The following MAP3K19 variants were observed in gnomAD, a reference collection of about 807,000 sequenced individuals.
MAP3K19 encodes the protein mitogen-activated protein kinase kinase kinase 19, also known as SPS1/STE20-related protein kinase YSK4.
A neutral mutation model predicts 114.4 loss-of-function variants in MAP3K19; 91 were observed. The observed-to-expected ratio is 0.80, with a 90% CI of 0.67 to 0.95. MAP3K19 has a LOEUF of 0.95. Among genes scored for constraint, MAP3K19 ranks in the 40% least tolerant of loss-of-function variants. MAP3K19 has a pLI of 0.00. For missense variants in MAP3K19, 1,471 were observed against 1,573.2 expected (o/e 0.94, Z 1.10); for synonymous variants, 518 against 530.5 (o/e 0.98, Z 0.32).
At chr2:135,027,837 G>T (rs1221620162) in intron 3 of MAP3K19, among the ~76,000 whole-genome samples, 2 of 152,178 alleles carry the variant, frequency 1.3e-5, no homozygotes, top group African/African-American at 4.8e-5. Flanking sequence ...AACTGATGAG[G>T]TGAAAGAACA....
chr2:134,965,650 A>G (rs1186840579), intron 12 of MAP3K19, among the ~76,000 whole-genome samples: 1 of 152,200 alleles, frequency 6.6e-6, no homozygotes, highest in African/African-American at 2.4e-5. Context: ...TTTAACAACC[A>G]GGTAACTTCC....
chr2:135,007,654 GT>G (rs1267153860), intron 5 of MAP3K19, among the ~76,000 whole-genome samples: 1 of 151,040 alleles, frequency 6.6e-6, no homozygotes, highest in Non-Finnish European at 1.5e-5. Context: ...TTTCTAAAGC[GT>G]TTTCTATCTC....
chr2:134,967,857 C>CT (rs573777137), intron 12 of MAP3K19, among the ~76,000 whole-genome samples: 2,013 of 143,266 alleles, frequency 0.014, 55 homozygotes, highest in East Asian at 0.11. Context: ...TTCTTTCTTT[C>CT]TTTTTTTTTT....
intron 2 of MAP3K19, among the ~76,000 whole-genome samples, chr2:135,031,403 GC>G (rs1688377753): frequency 6.6e-6 from 1 of 152,088 alleles, no homozygotes; most frequent in Non-Finnish European, 1.5e-5. Flanking sequence ...GTACAAGAGG[GC>G]AAGTAATATT....
intron 12 of MAP3K19, among the ~76,000 whole-genome samples, chr2:134,968,718 C>T (rs1683616314): frequency 6.7e-6 from 1 of 149,290 alleles, no homozygotes; most frequent in East Asian, 2.0e-4. Flanking sequence ...GATGGGGCGG[C>T]AGGGCAGAGG....
chr2:135,044,361 TG>T (rs1201004204), intron 1 of MAP3K19, among the ~76,000 whole-genome samples: 1 of 152,168 alleles, frequency 6.6e-6, no homozygotes, highest in Non-Finnish European at 1.5e-5. Flanking sequence ...GAGGCCGATG[TG>T]GGTGGATCAC....
chr2:135,045,378 C>A (rs554519336), intron 1 of MAP3K19, among the ~76,000 whole-genome samples: 200 of 152,264 alleles, frequency 1.3e-3, no homozygotes, highest in African/African-American at 4.7e-3. Flanking sequence ...AACCAATACA[C>A]ACATCTGTCC....
chr2:135,027,341 GAA>G (rs1688279686), intron 3 of MAP3K19, among the ~76,000 whole-genome samples: 1 of 125,782 alleles, frequency 8.0e-6, no homozygotes, highest in African/African-American at 3.2e-5. Context: ...AAGAAAGAAA[GAA>G]AGAAAGAGAG....
chr2:134,978,946 G>A (rs1238756242), intron 12 of MAP3K19, among the ~76,000 whole-genome samples: 1 of 152,122 alleles, frequency 6.6e-6, no homozygotes, highest in Non-Finnish European at 1.5e-5. Flanking sequence ...TCCTTGGCCT[G>A]ACTTCCCAGA....
intron 2 of MAP3K19, among the ~76,000 whole-genome samples, chr2:135,038,299 A>G (rs1327139013): frequency 1.3e-5 from 2 of 151,818 alleles, no homozygotes; most frequent in Non-Finnish European, 2.9e-5. Flanking sequence ...TTGTATGTAT[A>G]TATTTATGTA....
At chr2:135,012,026 T>A (rs1687269755) in intron 5 of MAP3K19, among the ~76,000 whole-genome samples, 1 of 152,242 alleles carries the variant, frequency 6.6e-6, no homozygotes, top group South Asian at 2.1e-4. Context: ...CAATATCTTA[T>A]GCATGACACT....
rs1684879852 is a variant in MAP3K19 at position 134,983,718 on chromosome 2, T to C, written c.3180A>G (p.Leu1060=). 6.3e-7 allele frequency: 1 copy of C among 1,593,694 alleles called. No individual in the cohort carries two copies. Among genetic ancestry groups the C allele is most frequent in the Non-Finnish European group, 8.5e-7 (1 of 1,174,206 alleles). The change falls in exon 11 of 13, where the codon CTA becomes CTG. Residue 1060 remains leucine (L), a synonymous_variant. Coordinates refer to ENST00000392915, the MANE Select transcript of MAP3K19 (RefSeq NM_025052.5). ...TTCCAAGAATCTCACCCTTGGTCCA[T>C]AGGATAGGTTCTTCAGACTTTAAAC... ...ENSLKSEEPI[L]WTKGEILGKG...
intron 12 of MAP3K19, among the ~76,000 whole-genome samples, chr2:134,968,362 A>G (rs973983929): frequency 4.0e-5 from 6 of 151,212 alleles, no homozygotes; most frequent in African/African-American, 1.5e-4. Context: ...CCCGTTCTCA[A>G]TGAGCTGTTG....
chr2:134,968,646 C>T (rs1457328711), intron 12 of MAP3K19, among the ~76,000 whole-genome samples: 1 of 145,280 alleles, frequency 6.9e-6, no homozygotes, highest in Non-Finnish European at 1.5e-5. Flanking sequence ...GGCGGCCGGG[C>T]AGAGACGCTC....
intron 5 of MAP3K19, among the ~76,000 whole-genome samples, chr2:135,006,136 A>G (rs1559173545): frequency 6.6e-6 from 1 of 152,250 alleles, no homozygotes; most frequent in Non-Finnish European, 1.5e-5. Flanking sequence ...GATTTACAAA[A>G]AGTACTCCAA....
At chr2:135,000,821 T>G (rs1289881421) in intron 6 of MAP3K19, among the ~76,000 whole-genome samples, 1 of 152,150 alleles carries the variant, frequency 6.6e-6, no homozygotes, top group East Asian at 1.9e-4. Context: ...TCAGAGCCAT[T>G]TATTCACTCA....
Position 134,987,423 on chromosome 2 carries a change from A to G in MAP3K19, c.1449T>C (p.Pro483=), listed in dbSNP as rs761753546. 1 of 1,614,110 alleles carries G rather than the reference A, an allele frequency of 6.2e-7. No individual in the cohort carries two copies. The highest frequency in any genetic ancestry group is 8.5e-7 in the Non-Finnish European group (1 of 1,180,032). The change falls in exon 10 of 13, where the codon CCT becomes CCC. Residue 483 remains proline (P), a synonymous_variant. Transcript: ENST00000392915. ...CCACAGGGAAGGTGATGTGGATAAGAGGCACCATCCTACTCATTTCTGGTT... is the reference window on the plus strand; with the variant it reads ...CCACAGGGAAGGTGATGTGGATAAGGGGCACCATCCTACTCATTTCTGGTT... The part of the protein sequence containing the change: ...RAKPEMSRMV[P]LIHITFPVDG...
intron 2 of MAP3K19, among the ~76,000 whole-genome samples, chr2:135,039,850 A>G (rs1282370393): frequency 6.6e-6 from 1 of 152,182 alleles, no homozygotes; most frequent in African/African-American, 2.4e-5. Flanking sequence ...TTTTTCATTA[A>G]TGTCTCCATT....
intron 8 of MAP3K19, among the ~76,000 whole-genome samples, chr2:134,994,691 C>T (rs78462373): frequency 0.16 from 23,897 of 152,210 alleles, 2,296 homozygotes; most frequent in Middle Eastern, 0.4. Flanking sequence ...TTGATCTATA[C>T]AAGCTGACAC....
Sources: gnomAD v4.1 joint callset for allele counts (sites outside exome capture counted in the v4.1 genomes callset) on GRCh38, gnomAD v4.1.1 for gene constraint, MANE v1.5 for transcripts, NCBI Gene and HGNC (gene_info 2026-07-23, HGNC 2026-07-21) for gene names.